PDK1: variants seen among roughly 807,000 people sequenced by gnomAD.
The protein encoded by PDK1 is [Pyruvate dehydrogenase (acetyl-transferring)] kinase isozyme 1, mitochondrial.
A neutral mutation model predicts 54.2 loss-of-function variants in PDK1; 39 were observed. The ratio of observed to expected loss-of-function variants is 0.72; its 90% CI spans 0.56 to 0.94. PDK1 has a LOEUF of 0.94. PDK1 is among the 40% of genes least tolerant of loss of function. PDK1 has a pLI of 0.00. For missense variants in PDK1, 552 were observed against 566.0 expected (o/e 0.98, Z 0.25); for synonymous variants, 221 against 207.1 (o/e 1.07, Z -0.58).
the PDK1 span, among the ~76,000 whole-genome samples, chr2:172,712,667 C>T: frequency 2.0e-5 from 3 of 152,166 alleles, no homozygotes; most frequent in Admixed American, 2.0e-4. Context: ...ATACCAGGAA[C>T]CACAGAGCCC....
the PDK1 span, among the ~76,000 whole-genome samples, chr2:172,683,049 A>G: frequency 3.9e-5 from 6 of 151,966 alleles, no homozygotes; most frequent in Non-Finnish European, 1.5e-5. Context: ...TGTGCTTTTT[A>G]AAAAACGTAT....
the PDK1 span, among the ~76,000 whole-genome samples, chr2:172,712,645 T>C: frequency 2.6e-5 from 4 of 152,164 alleles, no homozygotes; most frequent in African/African-American, 7.2e-5. Context: ...CAGTGGCACC[T>C]GAAGCTTGGA....
At chr2:172,561,511 C>A (rs747362077) in intron 2 of PDK1, among the ~76,000 whole-genome samples, 1 of 152,188 alleles carries the variant, frequency 6.6e-6, no homozygotes, top group Non-Finnish European at 1.5e-5. Context: ...CTTACACTGT[C>A]GAAGAAAGTA....
At chr2:172,620,094 A>AG in the PDK1 span, among the ~76,000 whole-genome samples, 7 of 152,334 alleles carry the variant, frequency 4.6e-5, no homozygotes, top group East Asian at 9.6e-4. Context: ...TGAGCCTGGT[A>AG]GGCGGAGGTT....
At chr2:172,622,129 C>CATATTATGTGAGATATGTTTATATCTCAT in the PDK1 span, among the ~76,000 whole-genome samples, 13 of 104,134 alleles carry the variant, frequency 1.2e-4, no homozygotes, top group African/African-American at 1.5e-4. Context: ...GTTTATATCT[C>CATATTATGTGAGATATGTTTATATCTCAT]ATATTATGTG....
At chr2:172,702,358 T>A in the PDK1 span, among the ~76,000 whole-genome samples, 4 of 151,968 alleles carry the variant, frequency 2.6e-5, no homozygotes, top group African/African-American at 7.3e-5. Flanking sequence ...ATGCCTGTAA[T>A]CCCAGCTACT....
At chr2:172,720,432 G>T in the PDK1 span, among the ~76,000 whole-genome samples, 4 of 152,056 alleles carry the variant, frequency 2.6e-5, no homozygotes, top group Admixed American at 1.3e-4. Context: ...TCTCAATGTT[G>T]CTGCTCTACC....
chr2:172,720,254 A>C, the PDK1 span, among the ~76,000 whole-genome samples: 2 of 151,866 alleles, frequency 1.3e-5, no homozygotes, highest in South Asian at 2.1e-4. Flanking sequence ...AGCTGGGATT[A>C]CAGGCATGCG....
At chr2:172,566,799 C>T (rs1453587284) in intron 5 of PDK1, 57 bp from the exon 6 acceptor site, 52 of 1,077,398 alleles carry the variant, frequency 4.8e-5, no homozygotes, top group Non-Finnish European at 6.9e-5. Flanking sequence ...CATCTTAATG[C>T]GTGAAAGAGA....
chr2:172,610,408 A>G (rs148009126), downstream of PDK1, among the ~76,000 whole-genome samples: 140 of 152,140 alleles, frequency 9.2e-4, no homozygotes, highest in Non-Finnish European at 1.5e-3. Flanking sequence ...GGCCAGCACC[A>G]GCCACCATGG....
chr2:172,708,267 C>T, the PDK1 span, among the ~76,000 whole-genome samples: 58 of 146,530 alleles, frequency 4.0e-4, no homozygotes, highest in South Asian at 1.3e-3. Flanking sequence ...CCAGCCTGGG[C>T]GACAGAGTGA....
chr2:172,717,622 C>T, the PDK1 span, among the ~76,000 whole-genome samples: 3 of 152,044 alleles, frequency 2.0e-5, no homozygotes, highest in East Asian at 3.8e-4. Flanking sequence ...GGCGTAATGT[C>T]GGCTCACTGC....
the PDK1 span, among the ~76,000 whole-genome samples, chr2:172,654,947 A>C: frequency 8.5e-5 from 13 of 152,212 alleles, no homozygotes; most frequent in South Asian, 2.1e-4. Context: ...GGGGATTGGG[A>C]TTTTGTCAGT....
At chr2:172,698,948 T>G in the PDK1 span, among the ~76,000 whole-genome samples, 2 of 152,158 alleles carry the variant, frequency 1.3e-5, no homozygotes, top group Non-Finnish European at 2.9e-5. Context: ...ATGCCAGAGA[T>G]GCAAAGGGGG....
chr2:172,696,746 AT>A, the PDK1 span, among the ~76,000 whole-genome samples: 133 of 152,198 alleles, frequency 8.7e-4, no homozygotes, highest in Non-Finnish European at 1.1e-3. Flanking sequence ...CATTGCTAAA[AT>A]TTTTCCAGTT....
chr2:172,592,989 G>A lies in PDK1; in HGVS notation c.1111G>A (p.Gly371Arg). 6.2e-7 allele frequency: 1 copy of A among 1,612,632 alleles called. No homozygotes were observed. The highest frequency in any genetic ancestry group is 8.5e-7 in the Non-Finnish European group (1 of 1,178,896). The change falls in exon 10 of 11, where the codon GGA becomes AGA. Residue 371 changes from glycine to arginine, a missense_variant. By Grantham distance (125) the Gly-to-Arg change is moderately radical. Coordinates refer to ENST00000282077, the MANE Select transcript of PDK1 (RefSeq NM_002610.5). ...ISRLYAQYFQ[G>R]DLKLYSLEGY... is the part of the protein sequence containing the mutation. The stretch of plus-strand genomic sequence containing the variant: ...ACGTCTTTACGCACAATACTTCCAA[G>A]GAGACCTGAAGCTGTATTCCCTAGA...
chr2:172,583,450 C>CCA lies in PDK1; in HGVS notation c.946-2828_946-2827insCA, dbSNP rs1312599477. Among the ~76,000 whole-genome samples the CCA allele has an allele frequency of 7.2e-5, 11 of 151,824 alleles. No individual in the cohort carries two copies. In the East Asian group the frequency reaches 2.1e-3, roughly 29 times the overall value. ...CTGAGATTACAGGCGTGCACCATGA[C>CCA]GCCTGACTAATTTTTGTATTTTTAG... On this transcript the variant is annotated intron_variant, in intron 8 of 10. Transcript: ENST00000282077.
intron 9 of PDK1, among the ~76,000 whole-genome samples, chr2:172,588,834 C>T (rs375726620): frequency 3.9e-5 from 6 of 152,318 alleles, no homozygotes; most frequent in Admixed American, 2.0e-4. Context: ...CGGAGAGGAA[C>T]ATCCACACAT....
At chr2:172,716,818 GA>G in the PDK1 span, among the ~76,000 whole-genome samples, 3 of 152,262 alleles carry the variant, frequency 2.0e-5, no homozygotes, top group East Asian at 5.8e-4. Context: ...GAAAAACTGT[GA>G]TTCTGAGCCT....
Sources: allele counts gnomAD v4.1 joint callset (sites outside exome capture counted in the v4.1 genomes callset), GRCh38; gene constraint gnomAD v4.1.1; transcripts MANE v1.5; gene names NCBI Gene and HGNC (gene_info 2026-07-23, HGNC 2026-07-21).